The following RFX3 variants were observed in gnomAD, a reference collection of about 807,000 sequenced individuals.
RFX3 encodes transcription factor RFX3.
A neutral mutation model predicts 98.6 loss-of-function variants in RFX3; 14 were observed. That is an observed-to-expected ratio of 0.14 (90% CI 0.09 to 0.22). The LOEUF (loss-of-function observed/expected upper bound fraction) is 0.22, where lower values mean the gene tolerates loss of function less well. Among genes scored for constraint, RFX3 ranks in the 10% least tolerant of loss-of-function variants. The pLI, the probability that RFX3 is intolerant of heterozygous loss-of-function variation, is 1.00. For synonymous variants in RFX3, 383 were observed against 328.4 expected (o/e 1.17, Z -1.80); for missense variants, 639 against 926.9 (o/e 0.69, Z 4.03).
rs1467615623 is a variant in RFX3, at chr9:3,251,043, A to G, written c.1815-2858T>C. 1.1e-4 allele frequency among the ~76,000 whole-genome samples: 16 copies of G among 152,152 alleles called. 1 individual carries two copies. On this transcript the variant is annotated intron_variant, in intron 14 of 16. Coordinates refer to ENST00000617270, the MANE Select transcript of RFX3 (RefSeq NM_001282116.2). ...GATAATCATAACAGCATTTTTAAAA[A>G]CTCTATCAAAACACCAAAACCCATC...
At chr9:3,247,624 T>G in intron 15 of RFX3, 1 of 1,341,952 alleles carries the variant, frequency 7.5e-7, no homozygotes. Context: ...TAGAATCATT[T>G]ACTTTGTTCT....
Position 3,288,189 on chromosome 9 carries a change from G to A in RFX3, c.793C>T (p.Leu265=). Reference sequence around the variant, plus strand: ...GCCATATACTGCATGTCTTCTTGCAGACGATTAAGAGGGGAATCTGGCTTG... The same window carrying A: ...GCCATATACTGCATGTCTTCTTGCAAACGATTAAGAGGGGAATCTGGCTTG... The part of the protein sequence containing the change: ...RVKPDSPLNR[L]QEDMQYMAMR... Residue 265 remains leucine, a synonymous_variant, in exon 7 of 17, where the codon CTG becomes TTG. Transcript: ENST00000617270. The A allele has an allele frequency of 6.2e-7, 1 of 1,612,610 alleles. No homozygotes were observed. Among genetic ancestry groups the A allele is most frequent in the Non-Finnish European group, 8.5e-7 (1 of 1,178,836 alleles).
At chr9:3,412,630 G>C (rs1240193052) in intron 1 of RFX3, among the ~76,000 whole-genome samples, 3 of 152,058 alleles carry the variant, frequency 2.0e-5, no homozygotes, top group East Asian at 3.9e-4. Context: ...GCTTAGGGTA[G>C]TTTCAGGAGA....
chr9:3,473,533 C>G, intron 1 of RFX3, among the ~76,000 whole-genome samples: 1 of 152,154 alleles, frequency 6.6e-6, no homozygotes, highest in East Asian at 1.9e-4. Context: ...GAGAAGCTCT[C>G]TTGATCAAGC....
chr9:3,250,641 C>T (rs1368621230), intron 14 of RFX3, among the ~76,000 whole-genome samples: 1 of 151,458 alleles, frequency 6.6e-6, no homozygotes, highest in Non-Finnish European at 1.5e-5. Flanking sequence ...AACTGCAGCA[C>T]AATATTTCTA....
chr9:3,283,043 T>C (rs981234369), intron 7 of RFX3, among the ~76,000 whole-genome samples: 1 of 151,786 alleles, frequency 6.6e-6, no homozygotes, highest in Admixed American at 6.6e-5. Flanking sequence ...TGGTAGTTAT[T>C]GAGTTGTGAT....
chr9:3,483,773 T>C (rs1231597457), intron 1 of RFX3, among the ~76,000 whole-genome samples: 3 of 152,226 alleles, frequency 2.0e-5, no homozygotes, highest in Non-Finnish European at 2.9e-5. Flanking sequence ...GTTTCTGGGG[T>C]AAACTGCTGG....
At chr9:3,241,018 C>G (rs1819844435) in intron 15 of RFX3, among the ~76,000 whole-genome samples, 1 of 152,218 alleles carries the variant, frequency 6.6e-6, no homozygotes, top group African/African-American at 2.4e-5. Context: ...GATTTCTTTC[C>G]TGATGTCTAC....
rs1370385333 is a variant in RFX3 at position 3,225,054 on chromosome 9, G to A, written c.2238C>T (p.Tyr746=). Residue 746 remains tyrosine, a synonymous_variant, in exon 17 of 17, where the codon TAC becomes TAT. Coordinates refer to ENST00000617270, the MANE Select transcript of RFX3 (RefSeq NM_001282116.2). ...GCTTTAATATTCTTTAGACTGCAGT[G>A]TAGGTATTTCCTGTAGCGCTGCACT... ...IRQCSATGNT[Y]TAV is the part of the protein sequence containing the mutation. 3.7e-6 allele frequency: 6 copies of A among 1,613,812 alleles called. No individual in the cohort carries two copies. Among genetic ancestry groups the A allele is most frequent in the Non-Finnish European group, 3.4e-6 (4 of 1,179,786 alleles).
At chr9:3,334,036 G>C (rs1421057359) in intron 3 of RFX3, among the ~76,000 whole-genome samples, 1 of 150,734 alleles carries the variant, frequency 6.6e-6, no homozygotes. Flanking sequence ...CTAAAGCACA[G>C]AGCTGATGAA....
chr9:3,438,704 C>T (rs1845371171), intron 1 of RFX3, among the ~76,000 whole-genome samples: 1 of 151,976 alleles, frequency 6.6e-6, no homozygotes, highest in Admixed American at 6.6e-5. Context: ...ATATACCACA[C>T]TAATACCAGT....
chr9:3,360,077 T>G (rs980486105), intron 2 of RFX3, among the ~76,000 whole-genome samples: 4 of 152,106 alleles, frequency 2.6e-5, no homozygotes, highest in African/African-American at 9.7e-5. Context: ...CCCCAATAAT[T>G]TTATTTTCTA....
intron 1 of RFX3, among the ~76,000 whole-genome samples, chr9:3,493,935 C>T (rs1414670568): frequency 1.3e-5 from 2 of 151,746 alleles, no homozygotes; most frequent in African/African-American, 4.8e-5. Context: ...TTTTAAGATC[C>T]ATGTCCTGCT....
chr9:3,363,546 C>G (rs966599442), intron 2 of RFX3, among the ~76,000 whole-genome samples: 1 of 152,152 alleles, frequency 6.6e-6, no homozygotes, highest in African/African-American at 2.4e-5. Flanking sequence ...GTCTAAATAG[C>G]AGAACTTCTT....
chr9:3,284,972 C>T (rs530171177), intron 7 of RFX3, among the ~76,000 whole-genome samples: 17 of 151,822 alleles, frequency 1.1e-4, no homozygotes, highest in African/African-American at 4.1e-4. Flanking sequence ...CCCCATCAAA[C>T]CTTCAAGTGA....
intron 1 of RFX3, among the ~76,000 whole-genome samples, chr9:3,494,340 G>T (rs1411485846): frequency 6.6e-6 from 1 of 152,100 alleles, no homozygotes; most frequent in East Asian, 1.9e-4. Context: ...GAATCCCAAA[G>T]AACTTTTGTT....
Position 3,479,063 on chromosome 9 carries a change from C to G in RFX3, c.-9+46684G>C, listed in dbSNP as rs1415905110. ...GGGCTCCAGAAGTGGTCAGCTCTCT[C>G]CATTGTCTGCAATACTGCCAGCTTT... On this transcript the variant is annotated intron_variant, in intron 1 of 16. Transcript: ENST00000617270. Among the ~76,000 whole-genome samples, 3 of 152,170 alleles carry G rather than the reference C, an allele frequency of 2.0e-5. No homozygotes were observed. In the South Asian group the frequency reaches 6.2e-4, roughly 31 times the overall value.
At chr9:3,336,582 TCATAA>T (rs1833206590) in intron 3 of RFX3, among the ~76,000 whole-genome samples, 1 of 152,044 alleles carries the variant, frequency 6.6e-6, no homozygotes. Context: ...GTACAAAAAC[TCATAA>T]CATAGCACAC....
intron 2 of RFX3, among the ~76,000 whole-genome samples, chr9:3,387,052 T>C (rs1839801010): frequency 6.6e-6 from 1 of 152,176 alleles, no homozygotes; most frequent in Admixed American, 6.6e-5. Flanking sequence ...AAATCTTTCA[T>C]GCTTTCCTTT....
Sources: allele counts gnomAD v4.1 joint callset (sites outside exome capture counted in the v4.1 genomes callset), GRCh38; gene constraint gnomAD v4.1.1; transcripts MANE v1.5; gene names NCBI Gene and HGNC (gene_info 2026-07-23, HGNC 2026-07-21).